GSTCD: variants seen among roughly 807,000 people sequenced by gnomAD.
The protein encoded by GSTCD is glutathione S-transferase C-terminal domain containing.
Under a neutral mutation model 68.3 loss-of-function variants are expected in GSTCD, and 44 were observed. That is an observed-to-expected ratio of 0.64 (90% CI 0.51 to 0.83). GSTCD has a LOEUF of 0.83. GSTCD is among the 40% of genes least tolerant of loss of function. GSTCD has a pLI of 0.00. For missense variants in GSTCD, 739 were observed against 735.9 expected, an observed-to-expected ratio of 1.00 and a Z score of -0.05; for synonymous variants, 273 against 255.2, an observed-to-expected ratio of 1.07 and a Z score of -0.67.
At chr4:105,770,942 G>A (rs1192243957) in intron 5 of GSTCD, among the ~76,000 whole-genome samples, 1 of 152,084 alleles carries the variant, frequency 6.6e-6, no homozygotes, top group South Asian at 2.1e-4. Flanking sequence ...TTGAGGAATC[G>A]CCACACTGTC....
intron 10 of GSTCD, among the ~76,000 whole-genome samples, chr4:105,839,774 G>A (rs10026373): frequency 0.054 from 8,268 of 152,194 alleles, 757 homozygotes; most frequent in African/African-American, 0.18. Flanking sequence ...AGTGATGCTA[G>A]TTAAACCAAA....
chr4:105,841,967 GA>G (rs1470655077), intron 10 of GSTCD, 97 bp from the exon 11 acceptor site: 27 of 810,602 alleles, frequency 3.3e-5, no homozygotes, highest in Non-Finnish European at 5.5e-5. Flanking sequence ...AAACAATGTT[GA>G]ACTCCAGAAA....
chr4:105,804,492 A>G (rs1560837692), intron 5 of GSTCD, among the ~76,000 whole-genome samples: 1 of 152,112 alleles, frequency 6.6e-6, no homozygotes, highest in African/African-American at 2.4e-5. Context: ...TTTAATGTTA[A>G]TTACCTGAGG....
intron 8 of GSTCD, among the ~76,000 whole-genome samples, chr4:105,827,356 C>T (rs1723687024): frequency 6.6e-6 from 1 of 152,138 alleles, no homozygotes; most frequent in South Asian, 2.1e-4. Context: ...CTTGTAACTT[C>T]CAAGTGTATA....
chr4:105,759,088 T>G (rs1445534719), intron 5 of GSTCD, among the ~76,000 whole-genome samples: 2 of 152,176 alleles, frequency 1.3e-5, no homozygotes, highest in African/African-American at 4.8e-5. Context: ...CTGAGACATT[T>G]CACAGGTTTT....
chr4:105,791,348 G>A (rs1306939124), intron 5 of GSTCD, among the ~76,000 whole-genome samples: 3 of 148,548 alleles, frequency 2.0e-5, no homozygotes, highest in East Asian at 2.0e-4. Flanking sequence ...AGCCGAGATC[G>A]CGCCACTGCA....
intron 7 of GSTCD, among the ~76,000 whole-genome samples, chr4:105,825,393 G>A (rs1723548259): frequency 6.6e-6 from 1 of 152,194 alleles, no homozygotes; most frequent in Non-Finnish European, 1.5e-5. Context: ...GCCTCCCAAA[G>A]TGTTGGGATT....
intron 5 of GSTCD, among the ~76,000 whole-genome samples, chr4:105,756,065 A>G (rs1212719751): frequency 5.3e-5 from 8 of 152,198 alleles, no homozygotes; most frequent in Non-Finnish European, 8.8e-5. Context: ...TTATTAATAA[A>G]AGATGTAATA....
intron 5 of GSTCD, among the ~76,000 whole-genome samples, chr4:105,750,303 A>T (rs1486875296): frequency 6.6e-6 from 1 of 152,028 alleles, no homozygotes; most frequent in Non-Finnish European, 1.5e-5. Context: ...TCTACTAAAA[A>T]TACAAAATTA....
intron 5 of GSTCD, among the ~76,000 whole-genome samples, chr4:105,821,893 T>A (rs1361194666): frequency 6.6e-6 from 1 of 151,828 alleles, no homozygotes; most frequent in East Asian, 1.9e-4. Context: ...CATTTAAAAA[T>A]CTTTCCTAAA....
At chr4:105,840,807 C>T (rs1025532896) in intron 10 of GSTCD, among the ~76,000 whole-genome samples, 5 of 152,238 alleles carry the variant, frequency 3.3e-5, no homozygotes, top group Middle Eastern at 3.4e-3. Context: ...TACCTCAGGC[C>T]GTCTTTACAG....
chr4:105,730,470 G>C (rs1198226586), intron 5 of GSTCD, among the ~76,000 whole-genome samples: 4 of 152,166 alleles, frequency 2.6e-5, no homozygotes, highest in Non-Finnish European at 4.4e-5. Flanking sequence ...TTGTGGTTTT[G>C]ATTTGCATTT....
rs1250400751 is a variant in GSTCD at position 105,822,986 on chromosome 4, C to G, written c.1273C>G (p.Gln425Glu). The G allele has an allele frequency of 1.2e-6, 2 of 1,613,560 alleles. No homozygotes were observed. The highest frequency in any genetic ancestry group is 3.3e-5 in the Admixed American group (2 of 59,980). Residue 425 changes from glutamine to glutamate, a missense_variant, in exon 6 of 12, where the codon CAG becomes GAG. Coordinates refer to ENST00000515279, the MANE Select transcript of GSTCD (RefSeq NM_001370181.1). ...GTCCAGTGATCGAGCTTTGAGGAAG[C>G]AGCAACAGTTGAACAACCTTGTCTA... Reference protein sequence around the residue: ...KMSSDRALRKQQQLNNLVYVV... With the variant: ...KMSSDRALRKEQQLNNLVYVV...
At chr4:105,809,030 C>CT (rs1396818095) in intron 5 of GSTCD, among the ~76,000 whole-genome samples, 1 of 152,000 alleles carries the variant, frequency 6.6e-6, no homozygotes, top group Non-Finnish European at 1.5e-5. Context: ...CTATAAAGTG[C>CT]AAGCATTAAG....
chr4:105,831,958 A>T (rs1019954932), intron 8 of GSTCD, among the ~76,000 whole-genome samples: 2 of 152,142 alleles, frequency 1.3e-5, no homozygotes, highest in East Asian at 1.9e-4. Flanking sequence ...AATAAATAAA[A>T]ATAAATTTTA....
rs145765349 is a variant in GSTCD, at chr4:105,782,475, G to C, written c.1241-40479G>C. On this transcript the variant is annotated intron_variant, in intron 5 of 11. Transcript: ENST00000515279. ...CCACTGCAGTCCAGCCTGGGCAACA[G>C]AGTGAGACCCTATCTCAAAAAACAA... Among the ~76,000 whole-genome samples the C allele has an allele frequency of 8.0e-3, 1,215 of 152,296 alleles. 19 individuals carry two copies. Among genetic ancestry groups the C allele is most frequent in the Admixed American group, 0.046 (701 of 15,302 alleles).
At chr4:105,800,182 C>T (rs1736053706) in intron 5 of GSTCD, among the ~76,000 whole-genome samples, 2 of 152,116 alleles carry the variant, frequency 1.3e-5, no homozygotes, top group Admixed American at 1.3e-4. Context: ...GGAGGCCTCA[C>T]AATTATGGTG....
At chr4:105,740,857 T>C (rs1387853367) in intron 5 of GSTCD, among the ~76,000 whole-genome samples, 1 of 152,110 alleles carries the variant, frequency 6.6e-6, no homozygotes, top group Non-Finnish European at 1.5e-5. Context: ...AGGGCAGCCA[T>C]AGTGTCAGTT....
At chr4:105,844,897 T>C (rs1724489692) in intron 11 of GSTCD, among the ~76,000 whole-genome samples, 2 of 152,302 alleles carry the variant, frequency 1.3e-5, no homozygotes, top group South Asian at 4.1e-4. Context: ...ATTAAGAGTA[T>C]ACTACACTCA....
Sources: gnomAD v4.1 joint callset for allele counts (sites outside exome capture counted in the v4.1 genomes callset) on GRCh38, gnomAD v4.1.1 for gene constraint, MANE v1.5 for transcripts, NCBI Gene and HGNC (gene_info 2026-07-23, HGNC 2026-07-21) for gene names.